The following NLRP2 variants were observed in gnomAD, a reference collection of about 807,000 sequenced individuals.
NLRP2 encodes NACHT, LRR and PYD domains-containing protein 2.
Under a neutral mutation model 97.2 loss-of-function variants are expected in NLRP2, and 107 were observed. The ratio of observed to expected loss-of-function variants is 1.10; its 90% CI spans 0.94 to 1.29. NLRP2 has a LOEUF of 1.29. Among genes scored for constraint, NLRP2 ranks in the 50% most tolerant of loss-of-function variants. NLRP2 has a pLI of 0.00. For missense variants in NLRP2, 1,495 were observed against 1,330.3 expected (o/e 1.12, Z -1.93); for synonymous variants, 663 against 551.5 (o/e 1.20, Z -2.83).
At chr19:54,994,189 C>T (rs1654504) in intron 10 of NLRP2, 80 bp from the exon 11 acceptor site, 326,896 of 1,463,642 alleles carry the variant, frequency 0.22, 38,419 homozygotes, top group Middle Eastern at 0.37. Flanking sequence ...GTCTAACCCA[C>T]GGCTCAAGAG....
At position 54,982,202 on chromosome 19, in the gene NLRP2, C is replaced by G. The variant is rs562147630; in HGVS notation, c.504C>G (p.Phe168Leu). 39 of 1,614,086 alleles carry G rather than the reference C, an allele frequency of 2.4e-5. No homozygotes were observed. In the East Asian group the frequency reaches 5.6e-4, roughly 23 times the overall value. The change falls in exon 6 of 13, where the codon TTC becomes TTG. Residue 168 changes from phenylalanine (F) to leucine (L), a missense_variant. Phe to Leu is a conservative substitution (Grantham distance 22, BLOSUM62 0). Coordinates refer to ENST00000448584, the MANE Select transcript of NLRP2 (RefSeq NM_017852.5). ...GCAGGTATATATTGAAGACGAAGTT[C>G]CGGGAGATGTGGAAGAGCTGGCCTG... Reference protein sequence around the residue: ...NRCRYILKTKFREMWKSWPGD... With the variant: ...NRCRYILKTKLREMWKSWPGD...
intron 3 of NLRP2, among the ~76,000 whole-genome samples, chr19:54,977,478 G>T (rs1355489627): frequency 8.4e-6 from 1 of 119,396 alleles, no homozygotes; most frequent in South Asian, 3.0e-4. Flanking sequence ...GGCCTTATGC[G>T]TGAGTAGTTT....
chr19:54,973,837 C>T, intron 2 of NLRP2: 1 of 621,966 alleles, frequency 1.6e-6, no homozygotes, highest in South Asian at 1.4e-5. Context: ...TTCCTGAAAC[C>T]CGCCGGACTT....
At chr19:54,998,611 C>CTTTTTTTTTTTTTTTTTTTATTTTTTTTT (rs375510249) in intron 12 of NLRP2, among the ~76,000 whole-genome samples, 1 of 42,198 alleles carries the variant, frequency 2.4e-5, no homozygotes, top group African/African-American at 8.3e-5. Flanking sequence ...CATCTTTTTT[C>CTTTTTTTTTTTTTTTTTTTATTTTTTTTT]TTTTTTTTTT....
rs1166985006 is a variant in NLRP2, at chr19:54,997,371, C to T, written c.2934C>T (p.Leu978=). 1.2e-6 allele frequency: 2 copies of T among 1,614,054 alleles called. No homozygotes were observed. The highest frequency in any genetic ancestry group is 1.7e-6 in the Non-Finnish European group (2 of 1,180,026). ...GTTGTGAAGACCTCTGCTCTGCCCTCAGCTGCAACCAGAGCCTCGTCACTC... is the reference window on the plus strand; with the variant it reads ...GTTGTGAAGACCTCTGCTCTGCCCTTAGCTGCAACCAGAGCCTCGTCACTC... ...PFSCEDLCSA[L]SCNQSLVTLD... is the part of the protein sequence containing the mutation. Residue 978 remains leucine, a synonymous_variant, in exon 12 of 13, where the codon CTC becomes CTT. Coordinates refer to ENST00000448584, the MANE Select transcript of NLRP2 (RefSeq NM_017852.5).
chr19:54,982,635 C>T lies in NLRP2; in HGVS notation c.937C>T (p.Pro313Ser). The change falls in exon 6 of 13, where the codon CCG becomes TCG. Residue 313 changes from proline to serine, a missense_variant. Transcript: ENST00000448584. ...CTGCGGGGACTGGGAGAAGAAGAAG[C>T]CGGTGCCCGTCCTCCTGGGGAGTTT... ...DICGDWEKKK[P>S]VPVLLGSLLN... The T allele has an allele frequency of 6.2e-7, 1 of 1,614,114 alleles. No homozygotes were observed. The highest frequency in any genetic ancestry group is 8.5e-7 in the Non-Finnish European group (1 of 1,180,022).
chr19:54,983,609 T>C lies in NLRP2; in HGVS notation c.1911T>C (p.Val637=), dbSNP rs760223006. 228 of 1,614,070 alleles carry C rather than the reference T, an allele frequency of 1.4e-4. No individual in the cohort carries two copies. Among genetic ancestry groups the C allele is most frequent in the Non-Finnish European group, 1.9e-4 (221 of 1,180,038 alleles). The part of the protein sequence containing the change: ...EISLHLNAVD[V]VPSSFCVKHC... The stretch of plus-strand genomic sequence containing the variant: ...CCCTGCACTTAAATGCAGTAGACGT[T>C]GTGCCATCTTCATTCTGCGTCAAGC... Residue 637 remains valine (V), a synonymous_variant, in exon 6 of 13, where the codon GTT becomes GTC. Coordinates refer to ENST00000448584, the MANE Select transcript of NLRP2 (RefSeq NM_017852.5).
At chr19:54,965,856 C>CG (rs1219027576), upstream of NLRP2, among the ~76,000 whole-genome samples, 6 of 85,236 alleles carry the variant, frequency 7.0e-5, no homozygotes, top group African/African-American at 2.8e-4. Context: ...GCGGAGGCTG[C>CG]GGGGAGCCGA....
chr19:54,983,179 T>A lies in NLRP2; in HGVS notation c.1481T>A (p.Val494Asp). Residue 494 changes from valine (V) to aspartate (D), a missense_variant, in exon 6 of 13, where the codon GTC becomes GAC. By Grantham distance (152) the Val-to-Asp change is radical (BLOSUM62 -3). Coordinates refer to ENST00000448584, the MANE Select transcript of NLRP2 (RefSeq NM_017852.5). ...GGAGACATCCTCCGCCAGGACAGAG[T>A]CTCCAAAGGCTGCTACTCCTTCATC... is the stretch of plus-strand genomic sequence containing the variant. ...LDGDILRQDR[V>D]SKGCYSFIHL... 6.2e-7 allele frequency: 1 copy of A among 1,612,820 alleles called. No homozygotes were observed.
intron 8 of NLRP2, among the ~76,000 whole-genome samples, chr19:54,989,325 A>G (rs914125171): frequency 6.6e-6 from 1 of 151,972 alleles, no homozygotes; most frequent in Non-Finnish European, 1.5e-5. Context: ...TACAAAAATT[A>G]GCCAGGCAAG....
chr19:54,969,477 CAAAAA>C lies in NLRP2; in HGVS notation c.-17-506_-17-502del, dbSNP rs757668995. Among the ~76,000 whole-genome samples the C allele has an allele frequency of 8.2e-4, 78 of 94,616 alleles. No homozygotes were observed. The South Asian group carries it at 0.015, about 18-fold the overall frequency. The allele number at this position is 94,616 out of a possible 152,430, so 62.1% of individuals were successfully genotyped here. On this transcript the variant is annotated intron_variant, in intron 1 of 12. Coordinates refer to ENST00000448584, the MANE Select transcript of NLRP2 (RefSeq NM_017852.5). ...AGGGTGACAAAGTGAGACTCCGTCT[CAAAAA>C]AAAAAAAAAAAAAAATACAAAAAGT...
At chr19:54,971,317 A>G (rs1340730102) in intron 2 of NLRP2, among the ~76,000 whole-genome samples, 2 of 151,154 alleles carry the variant, frequency 1.3e-5, no homozygotes, top group Non-Finnish European at 3.0e-5. Context: ...CATGATTTAT[A>G]GTCATTTGGG....
At position 54,982,971 on chromosome 19, in the gene NLRP2, C is replaced by T. The variant is rs780979692; in HGVS notation, c.1273C>T (p.Arg425Cys). The change falls in exon 6 of 13, where the codon CGC becomes TGC. Residue 425 changes from arginine to cysteine, a missense_variant. Physicochemically the swap from Arg to Cys is radical, Grantham distance 180. Transcript: ENST00000448584. The part of the protein sequence containing the change: ...GEDPVPTCLT[R>C]TGLFLRFLCS... ...GGACCCGGTCCCCACCTGCCTCACC[C>T]GCACGGGGCTGTTCCTGCGTTTCCT... 38 of 1,611,320 alleles carry T rather than the reference C, an allele frequency of 2.4e-5. No homozygotes were observed. Among genetic ancestry groups the T allele is most frequent in the African/African-American group, 4.0e-5 (3 of 74,866 alleles).
chr19:55,000,703 T>C, intron 12 of NLRP2, 57 bp from the exon 13 acceptor site: 9 of 1,593,458 alleles, frequency 5.6e-6, no homozygotes, highest in Non-Finnish European at 7.7e-6. Context: ...ACTTGGGAAT[T>C]TGAAACAAAT....
chr19:54,992,980 G>C (rs921981822), intron 10 of NLRP2, among the ~76,000 whole-genome samples: 3 of 152,030 alleles, frequency 2.0e-5, no homozygotes. Context: ...TAGGGTCTTT[G>C]AGAGGCCGAG....
At position 54,982,781 on chromosome 19, in the gene NLRP2, G is replaced by A. The variant is rs368683286; in HGVS notation, c.1083G>A (p.Glu361=). The A allele has an allele frequency of 3.0e-5, 48 of 1,614,028 alleles. No individual in the cohort carries two copies. Among genetic ancestry groups the A allele is most frequent in the Non-Finnish European group, 4.1e-5 (48 of 1,180,036 alleles). The change falls in exon 6 of 13, where the codon GAG becomes GAA. Residue 361 remains glutamate, a synonymous_variant. Coordinates refer to ENST00000448584, the MANE Select transcript of NLRP2 (RefSeq NM_017852.5). ...PIYIRVEGFL[E]EDRRAYFLRH... Reference sequence around the variant, plus strand: ...ACATAAGGGTGGAGGGCTTCCTGGAGGAGGACAGGAGGGCCTATTTCCTGA... The same window carrying A: ...ACATAAGGGTGGAGGGCTTCCTGGAAGAGGACAGGAGGGCCTATTTCCTGA...
At chr19:54,981,522 C>T in intron 4 of NLRP2, 95 bp from the exon 5 acceptor site, 1 of 444,994 alleles carries the variant, frequency 2.2e-6, no homozygotes, top group Non-Finnish European at 4.6e-6. Flanking sequence ...CCCCCTCCCC[C>T]CCGCCCCATC....
intron 2 of NLRP2, chr19:54,973,914 AG>A: frequency 1.4e-6 from 1 of 717,334 alleles, no homozygotes; most frequent in African/African-American, 1.8e-5. Flanking sequence ...TGGTATGCCC[AG>A]GGGAAGTAGT....
intron 10 of NLRP2, among the ~76,000 whole-genome samples, chr19:54,992,420 TAAA>T (rs934720569): frequency 6.6e-6 from 1 of 151,506 alleles, no homozygotes; most frequent in Non-Finnish European, 1.5e-5. Flanking sequence ...CCTGAAACAT[TAAA>T]AAAGAAGTCC....
Sources: gnomAD v4.1 joint callset for allele counts (sites outside exome capture counted in the v4.1 genomes callset) on GRCh38, gnomAD v4.1.1 for gene constraint, MANE v1.5 for transcripts, NCBI Gene and HGNC (gene_info 2026-07-23, HGNC 2026-07-21) for gene names.